The following GARNL3 variants were observed in gnomAD, a reference collection of about 807,000 sequenced individuals.
GARNL3 encodes the protein GTPase activating Rap/RanGAP domain like 3.
GARNL3 carries 63 observed loss-of-function variants against 125.0 expected under a neutral mutation model. The ratio of observed to expected loss-of-function variants is 0.50; its 90% confidence interval spans 0.41 to 0.62. GARNL3 has a LOEUF of 0.62. Ranked by LOEUF, GARNL3 falls within the 20% of genes least tolerant of loss-of-function variation. The pLI is 0.00. For missense variants in GARNL3, 994 were observed against 1,244.0 expected (o/e 0.80, Z 3.02); for synonymous variants, 439 against 457.5 (o/e 0.96, Z 0.52).
chr9:127,280,977 TGA>T lies in GARNL3; in HGVS notation c.145-10189_145-10188del, dbSNP rs2064087346. ...AGGATCTAGCCATAATCAAATAGCA[TGA>T]GCATGTTGTAGGCCTGGTCAGATGG... is the stretch of plus-strand genomic sequence containing the variant. On this transcript the variant is annotated intron_variant, in intron 1 of 27. Transcript: ENST00000373387. This position sits in a 1 kb window ranked among gnomAD's most constrained non-coding sequence, Gnocchi z 4.5. Among the ~76,000 whole-genome samples, 3 of 152,246 alleles carry T rather than the reference TGA, an allele frequency of 2.0e-5. No individual in the cohort carries two copies. In the South Asian group the frequency reaches 6.2e-4, roughly 32 times the overall value.
At chr9:127,340,388 T>C (rs1462468336) in intron 13 of GARNL3, among the ~76,000 whole-genome samples, 1 of 152,092 alleles carries the variant, frequency 6.6e-6, no homozygotes, top group Non-Finnish European at 1.5e-5. Context: ...TTTCTGGTAG[T>C]CCCATGGTGG....
chr9:127,381,972 T>A (rs937109311), intron 22 of GARNL3, among the ~76,000 whole-genome samples: 2 of 151,214 alleles, frequency 1.3e-5, no homozygotes, highest in Admixed American at 6.6e-5. Context: ...ATAATTAACA[T>A]TCAGATGTTT....
chr9:127,310,435 C>T (rs906611684), intron 2 of GARNL3, among the ~76,000 whole-genome samples: 43 of 152,018 alleles, frequency 2.8e-4, no homozygotes, highest in African/African-American at 1.0e-3. Flanking sequence ...AAACAGGTAA[C>T]CCAAAAAATA....
At chr9:127,254,502 C>A (rs1188886594) in intron 2 of GARNL3, among the ~76,000 whole-genome samples, 2 of 152,202 alleles carry the variant, frequency 1.3e-5, no homozygotes. Flanking sequence ...TCTACCAATT[C>A]TCACGCCTGT....
Position 127,266,399 on chromosome 9 carries a change from C to T in GARNL3, c.144+1378C>T, listed in dbSNP as rs2063707371. Among the ~76,000 whole-genome samples the T allele has an allele frequency of 1.3e-5, 2 of 152,192 alleles. No individual in the cohort carries two copies. Among genetic ancestry groups the T allele is most frequent in the African/African-American group, 2.4e-5 (1 of 41,450 alleles). On this transcript the variant is annotated intron_variant, in intron 1 of 27. Transcript: ENST00000373387. This position sits in a 1 kb window ranked among gnomAD's most constrained non-coding sequence, Gnocchi z 4.0. ...GTCCCAAGGCAATGAGCAAATGGTCCTGCCTAGCAAAGAGCTTTGTAATTA... is the reference window on the plus strand; with the variant it reads ...GTCCCAAGGCAATGAGCAAATGGTCTTGCCTAGCAAAGAGCTTTGTAATTA...
intron 2 of GARNL3, among the ~76,000 whole-genome samples, chr9:127,296,762 C>T (rs530532246): frequency 6.6e-6 from 1 of 151,968 alleles, no homozygotes; most frequent in African/African-American, 2.4e-5. Context: ...TGAACCACCA[C>T]GCCTGGCCAG....
chr9:127,232,374 T>G (rs150788246), intron 1 of GARNL3, among the ~76,000 whole-genome samples: 84 of 152,254 alleles, frequency 5.5e-4, no homozygotes, highest in African/African-American at 1.9e-3. Flanking sequence ...AGTGGCATGA[T>G]CATAGCCCAC....
chr9:127,244,954 T>C (rs1238147127), intron 2 of GARNL3, among the ~76,000 whole-genome samples: 1 of 152,186 alleles, frequency 6.6e-6, no homozygotes, highest in East Asian at 1.9e-4. Context: ...ATGGACCCGG[T>C]AGTCTCGCGG....
intron 22 of GARNL3, among the ~76,000 whole-genome samples, chr9:127,378,420 C>G (rs1456941597): frequency 6.6e-6 from 1 of 151,938 alleles, no homozygotes; most frequent in Non-Finnish European, 1.5e-5. Flanking sequence ...AACCCCGTCT[C>G]TACTAAAAAT....
At chr9:127,250,126 A>T (rs1368498399) in intron 2 of GARNL3, among the ~76,000 whole-genome samples, 1 of 152,232 alleles carries the variant, frequency 6.6e-6, no homozygotes, top group Non-Finnish European at 1.5e-5. Flanking sequence ...GTGTAAAAAA[A>T]GGGGAAAGGG....
chr9:127,367,320 C>G (rs1831338636), intron 22 of GARNL3: 1 of 152,200 alleles, frequency 6.6e-6, no homozygotes, highest in African/African-American at 2.4e-5. Context: ...AATGATAATG[C>G]TTTCCCCAAA....
intron 22 of GARNL3, among the ~76,000 whole-genome samples, chr9:127,370,807 C>T (rs1251855494): frequency 6.6e-6 from 1 of 152,194 alleles, no homozygotes. Flanking sequence ...GCCCTGTCCT[C>T]GCCTTTCCAT....
chr9:127,348,044 A>G (rs1251577818), intron 16 of GARNL3, among the ~76,000 whole-genome samples: 1 of 152,194 alleles, frequency 6.6e-6, no homozygotes, highest in Admixed American at 6.5e-5. Context: ...GAACACACCT[A>G]CATGTGCACA....
chr9:127,242,985 C>A lies in GARNL3; in HGVS notation c.-28-94C>A. The A allele has an allele frequency of 9.0e-7, 1 of 1,112,250 alleles. No individual in the cohort carries two copies. Among genetic ancestry groups the A allele is most frequent in the Non-Finnish European group, 1.2e-6 (1 of 850,534 alleles). 68.9% of individuals were successfully genotyped at this position (1,112,250 alleles called of 1,614,324 possible). A position where few individuals can be genotyped will look rare whatever the true frequency, so the allele number is the denominator to read the frequency against. On this transcript the variant is annotated intron_variant, in intron 1 of 10. Transcript: ENST00000439286. The surrounding 1 kb of genome is among the most constrained non-coding windows in gnomAD (Gnocchi z 4.6). The stretch of plus-strand genomic sequence containing the variant: ...TGTCACCCTCCTCCTTGCTTACCAG[C>A]GGGGCTGCCTTTGGGAGGAGGGTAA...
chr9:127,304,530 C>CTTTTTTTTTTTT (rs61493807), intron 2 of GARNL3, among the ~76,000 whole-genome samples: 1 of 99,220 alleles, frequency 1.0e-5, no homozygotes, highest in Non-Finnish European at 1.9e-5. Context: ...TGGCTTTATT[C>CTTTTTTTTTTTT]TTTTTTTTTT....
intron 2 of GARNL3, among the ~76,000 whole-genome samples, chr9:127,301,531 A>G (rs1331749562): frequency 6.6e-6 from 1 of 152,208 alleles, no homozygotes; most frequent in African/African-American, 2.4e-5. Context: ...CTAATGGGTA[A>G]AAAGGGAGGG....
intron 2 of GARNL3, among the ~76,000 whole-genome samples, chr9:127,308,007 T>C (rs374385032): frequency 6.6e-6 from 1 of 152,232 alleles, no homozygotes; most frequent in Admixed American, 6.5e-5. Flanking sequence ...TGCCCTGCAG[T>C]GTCATAGTGG....
intron 22 of GARNL3, among the ~76,000 whole-genome samples, chr9:127,381,940 T>A (rs768204321): frequency 6.6e-6 from 1 of 152,046 alleles, no homozygotes; most frequent in African/African-American, 2.4e-5. Context: ...TGTCTGTGAG[T>A]CATCCCTGTT....
At chr9:127,290,449 A>C (rs368590181) in intron 1 of GARNL3, among the ~76,000 whole-genome samples, 1 of 152,200 alleles carries the variant, frequency 6.6e-6, no homozygotes, top group African/African-American at 2.4e-5. Flanking sequence ...TCTGCTGCAG[A>C]TCTTTGTTGC....
Sources: gnomAD v4.1 joint callset for allele counts (sites outside exome capture counted in the v4.1 genomes callset) on GRCh38, gnomAD v4.1.1 for gene constraint, Gnocchi (gnomAD v3.1) non-coding constraint, MANE v1.5 for transcripts, NCBI Gene and HGNC (gene_info 2026-07-23, HGNC 2026-07-21) for gene names.